Variants in FMN2 observed in about 807,000 individuals in gnomAD.
FMN2 encodes formin-2.
A neutral mutation model predicts 142.3 loss-of-function variants in FMN2; 51 were observed. The observed-to-expected ratio is 0.36, with a 90% CI of 0.29 to 0.45. FMN2 has a LOEUF of 0.45. Ranked by LOEUF, FMN2 falls within the 20% of genes least tolerant of loss-of-function variation. The pLI is 1.00. For missense variants in FMN2, 1,936 were observed against 2,122.8 expected, an observed-to-expected ratio of 0.91 and a Z score of 1.73; for synonymous variants, 882 against 869.8, an observed-to-expected ratio of 1.01 and a Z score of -0.25.
chr1:240,233,549 A>G (rs1209390498), intron 6 of FMN2, among the ~76,000 whole-genome samples: 1 of 152,102 alleles, frequency 6.6e-6, no homozygotes, highest in African/African-American at 2.4e-5. Flanking sequence ...TGTTCTGAAG[A>G]CTCATGCTGA....
At chr1:240,318,388 G>A (rs565485635) in intron 8 of FMN2, among the ~76,000 whole-genome samples, 2 of 152,308 alleles carry the variant, frequency 1.3e-5, no homozygotes, top group South Asian at 4.1e-4. Flanking sequence ...TCTGGAGGAA[G>A]GAAACTGGCT....
intron 16 of FMN2, among the ~76,000 whole-genome samples, chr1:240,451,622 G>T (rs1347494731): frequency 6.6e-6 from 1 of 152,054 alleles, no homozygotes; most frequent in Non-Finnish European, 1.5e-5. Flanking sequence ...CATCCCCTGA[G>T]TTTCATTAAC....
chr1:240,127,265 G>GT (rs1662551532), intron 2 of FMN2, among the ~76,000 whole-genome samples: 1 of 151,896 alleles, frequency 6.6e-6, no homozygotes, highest in South Asian at 2.1e-4. Context: ...TAGAGACAGG[G>GT]TTTCGCCATG....
intron 8 of FMN2, among the ~76,000 whole-genome samples, chr1:240,318,299 T>G (rs1431169672): frequency 6.6e-6 from 1 of 152,234 alleles, no homozygotes; most frequent in East Asian, 1.9e-4. Flanking sequence ...GGACAGTTTT[T>G]CATTTGGTGT....
rs542947135 is a variant in FMN2, at chr1:240,196,998, G to A, written c.1986+8736G>A. On this transcript the variant is annotated intron_variant, in intron 4 of 17. Coordinates refer to ENST00000319653, the MANE Select transcript of FMN2 (RefSeq NM_020066.5). Reference sequence around the variant, plus strand: ...AACTCCTAAAATCCTTGGAATCTTCGAAGAGGTTAAGTGTCTTTTTATATG... The same window carrying A: ...AACTCCTAAAATCCTTGGAATCTTCAAAGAGGTTAAGTGTCTTTTTATATG... Among the ~76,000 whole-genome samples the A allele has an allele frequency of 4.6e-5, 7 of 152,202 alleles. No homozygotes were observed. In the South Asian group the frequency reaches 6.2e-4, roughly 14 times the overall value.
intron 13 of FMN2, among the ~76,000 whole-genome samples, chr1:240,340,175 G>A (rs946189872): frequency 1.3e-5 from 2 of 151,942 alleles, no homozygotes; most frequent in African/African-American, 4.8e-5. Flanking sequence ...TAATTATTAG[G>A]TAATAACATT....
chr1:240,110,264 T>A (rs1350163348), intron 1 of FMN2, among the ~76,000 whole-genome samples: 3 of 152,168 alleles, frequency 2.0e-5, no homozygotes, highest in Non-Finnish European at 2.9e-5. Context: ...TGCCACTTTC[T>A]AATCTTATGA....
intron 8 of FMN2, among the ~76,000 whole-genome samples, chr1:240,315,719 A>T (rs1670760419): frequency 6.6e-6 from 1 of 152,202 alleles, no homozygotes; most frequent in Non-Finnish European, 1.5e-5. Flanking sequence ...AAATTATTTA[A>T]TGTAACCCGG....
At chr1:240,145,528 C>CTTTTT (rs1663413756) in intron 2 of FMN2, 8 of 88,290 alleles carry the variant, frequency 9.1e-5, no homozygotes, top group Admixed American at 3.3e-4. Flanking sequence ...TTTTCTTTTT[C>CTTTTT]TATTTTTTTT....
intron 8 of FMN2, among the ~76,000 whole-genome samples, chr1:240,302,244 G>C: frequency 6.6e-6 from 1 of 151,590 alleles, no homozygotes; most frequent in Admixed American, 6.6e-5. Context: ...GATAATTTTT[G>C]TTACAAATTG....
At chr1:240,307,792 G>A (rs1195201821) in intron 8 of FMN2, among the ~76,000 whole-genome samples, 1 of 152,110 alleles carries the variant, frequency 6.6e-6, no homozygotes, top group African/African-American at 2.4e-5. Context: ...TTTGTAATTT[G>A]ATAGGAATAG....
At chr1:240,360,321 C>G (rs913420024) in intron 14 of FMN2, among the ~76,000 whole-genome samples, 6 of 152,204 alleles carry the variant, frequency 3.9e-5, no homozygotes, top group African/African-American at 1.4e-4. Flanking sequence ...CCCACCATCA[C>G]ATCTGCAAAC....
chr1:240,132,742 G>A (rs914145032), intron 2 of FMN2, among the ~76,000 whole-genome samples: 5 of 152,138 alleles, frequency 3.3e-5, no homozygotes, highest in Non-Finnish European at 5.9e-5. Flanking sequence ...CAGGATGGAC[G>A]TGGAATACTC....
chr1:240,169,959 G>T (rs899367963), intron 2 of FMN2, among the ~76,000 whole-genome samples: 4 of 152,174 alleles, frequency 2.6e-5, no homozygotes, highest in African/African-American at 7.2e-5. Context: ...TGCTGGCCTT[G>T]ATAGACAATT....
At chr1:240,411,060 C>T in intron 15 of FMN2, among the ~76,000 whole-genome samples, 1 of 60,138 alleles carries the variant, frequency 1.7e-5, no homozygotes, top group South Asian at 6.9e-4. Context: ...CTTTCTTAGT[C>T]CCCATCCTAC....
At chr1:240,157,996 T>TCAGC (rs1167762991) in intron 2 of FMN2, among the ~76,000 whole-genome samples, 1 of 139,196 alleles carries the variant, frequency 7.2e-6, no homozygotes, top group East Asian at 2.0e-4. Context: ...AAAAAAAAAG[T>TCAGC]CAGCCAGGCA....
chr1:240,331,521 A>G (rs1572201873), intron 11 of FMN2, among the ~76,000 whole-genome samples: 1 of 152,334 alleles, frequency 6.6e-6, no homozygotes, highest in East Asian at 1.9e-4. Flanking sequence ...TGTTTTTGAA[A>G]TATTAAGTTT....
chr1:240,377,331 G>A (rs1038817861), intron 14 of FMN2, among the ~76,000 whole-genome samples: 1 of 148,728 alleles, frequency 6.7e-6, no homozygotes, highest in Non-Finnish European at 1.5e-5. Context: ...TTTTCTTTCT[G>A]CAGTTAAGAT....
intron 7 of FMN2, among the ~76,000 whole-genome samples, chr1:240,281,295 C>G (rs1428662425): frequency 6.6e-6 from 1 of 152,046 alleles, no homozygotes; most frequent in Non-Finnish European, 1.5e-5. Context: ...TACAGTAAAG[C>G]TCCATCATGC....
Sources: allele counts gnomAD v4.1 joint callset (sites outside exome capture counted in the v4.1 genomes callset), GRCh38; gene constraint gnomAD v4.1.1; transcripts MANE v1.5; gene names NCBI Gene and HGNC (gene_info 2026-07-23, HGNC 2026-07-21).